PDE4C: variants seen among roughly 807,000 people sequenced by gnomAD.
PDE4C encodes phosphodiesterase 4C.
PDE4C carries 50 observed loss-of-function variants against 63.9 expected under a neutral mutation model. The observed-to-expected ratio is 0.78, with a 90% CI of 0.62 to 0.99. The LOEUF is 0.99. PDE4C is among the 50% of genes least tolerant of loss of function. The pLI is 0.00. For missense variants in PDE4C, 777 were observed against 899.1 expected, an observed-to-expected ratio of 0.86 and a Z score of 1.74; for synonymous variants, 377 against 385.1, an observed-to-expected ratio of 0.98 and a Z score of 0.25.
the PDE4C span, among the ~76,000 whole-genome samples, chr19:18,254,760 T>G: frequency 2.6e-5 from 4 of 152,140 alleles, no homozygotes; most frequent in Non-Finnish European, 5.9e-5. Context: ...CCCTCCACCC[T>G]AGGCACTGTC....
intron 1 of PDE4C, among the ~76,000 whole-genome samples, chr19:18,224,888 C>G (rs1968659966): frequency 6.6e-6 from 1 of 152,206 alleles, no homozygotes; most frequent in South Asian, 2.1e-4. Context: ...GGCGGATAAC[C>G]CAGATCTGCC....
At chr19:18,217,742 C>CA (rs1428032464) in intron 11 of PDE4C, among the ~76,000 whole-genome samples, 1 of 151,892 alleles carries the variant, frequency 6.6e-6, no homozygotes, top group Non-Finnish European at 1.5e-5. Flanking sequence ...ACGAAAAATA[C>CA]AAAAATTAGC....
chr19:18,221,052 G>GCCAGACCCCCCCCCCCCCCC, intron 4 of PDE4C, 53 bp downstream of exon 4: 1 of 1,245,312 alleles, frequency 8.0e-7, no homozygotes, highest in African/African-American at 1.5e-5. Flanking sequence ...CCCGCTTTCC[G>GCCAGACCCCCCCCCCCCCCC]CCCACCTTGT....
At chr19:18,222,438 G>A in intron 1 of PDE4C, 115 bp from the exon 2 acceptor site, 1 of 920,476 alleles carries the variant, frequency 1.1e-6, no homozygotes, top group South Asian at 1.7e-5. Context: ...GGCAAGTGTG[G>A]TTTCCAGCTT....
chr19:18,238,982 C>G (rs1968997423), intron 1 of PDE4C, among the ~76,000 whole-genome samples: 1 of 150,496 alleles, frequency 6.6e-6, no homozygotes, highest in Admixed American at 6.6e-5. Flanking sequence ...CAGAGCAAGA[C>G]CCTGTCTCAA....
chr19:18,220,798 A>G lies in PDE4C; in HGVS notation c.499+76T>C, dbSNP rs541442941. On this transcript the variant is annotated intron_variant, in intron 5 of 14. Transcript: ENST00000262805. The surrounding 1 kb of genome is among the most constrained non-coding windows in gnomAD (Gnocchi z 5.1). ...CAATTAGCCCCAGTATAAGGGGCTC[A>G]TGGACTGGGGAGGTCACTATGGAAA... is the stretch of plus-strand genomic sequence containing the variant. The G allele has an allele frequency of 1.1e-5, 16 of 1,415,126 alleles. No homozygotes were observed. In the East Asian group the frequency reaches 3.7e-4, roughly 33 times the overall value. 87.7% of individuals were successfully genotyped at this position (1,415,126 alleles called of 1,614,324 possible).
At chr19:18,210,899 A>G in exon 15 of PDE4C, 1 of 1,552,660 alleles carries the variant, frequency 6.4e-7, no homozygotes. Flanking sequence ...TTTACCATCC[A>G]TTGCCCCTGC....
chr19:18,241,609 G>T (rs965944790), intron 1 of PDE4C, among the ~76,000 whole-genome samples: 1 of 151,954 alleles, frequency 6.6e-6, no homozygotes, highest in African/African-American at 2.4e-5. Flanking sequence ...AGCGTGCAGT[G>T]GTGCAGTCTT....
At chr19:18,225,137 G>C (rs1009886088) in intron 1 of PDE4C, among the ~76,000 whole-genome samples, 1 of 152,166 alleles carries the variant, frequency 6.6e-6, no homozygotes, top group East Asian at 1.9e-4. Flanking sequence ...GTCAGGCTGT[G>C]GTTCCATGAC....
chr19:18,220,570 G>T lies in PDE4C; in HGVS notation c.500-55C>A, dbSNP rs761243870. On this transcript the variant is annotated intron_variant, in intron 5 of 14. Transcript: ENST00000262805. The surrounding 1 kb of genome is among the most constrained non-coding windows in gnomAD (Gnocchi z 5.1). Reference sequence around the variant, plus strand: ...CAACCCCCCCGCTCAGGGACCCCACGCCTCTCGCGACTTCGTCTCTTCATC... The same window carrying T: ...CAACCCCCCCGCTCAGGGACCCCACTCCTCTCGCGACTTCGTCTCTTCATC... The T allele has an allele frequency of 8.9e-6, 13 of 1,457,628 alleles. No individual in the cohort carries two copies. The East Asian group carries it at 3.1e-4, about 34-fold the overall frequency. The allele number at this position is 1,457,628 out of a possible 1,614,324, so 90.3% of individuals were successfully genotyped here. A position where few individuals can be genotyped will look rare whatever the true frequency, so the allele number is the denominator to read the frequency against.
At chr19:18,232,858 C>G in intron 1 of PDE4C, 1 of 1,329,716 alleles carries the variant, frequency 7.5e-7, no homozygotes, top group Non-Finnish European at 9.8e-7. Context: ...GAGACCCCCG[C>G]CCCCTGGAGA....
Position 18,219,302 on chromosome 19 carries a change from C to A in PDE4C, c.802G>T (p.Ala268Ser), listed in dbSNP as rs775410699. The A allele has an allele frequency of 1.2e-5, 20 of 1,614,040 alleles. No homozygotes were observed. The East Asian group carries it at 4.0e-4, about 32-fold the overall frequency. ...GGGACAGTGGCTGAGGAGAGGCTGG[C>A]ACTGTGGCAGAGCCCATGTAGGCCA... is the stretch of plus-strand genomic sequence containing the variant. The change falls in exon 8 of 15, where the codon GCC becomes TCC. Residue 268 changes from alanine to serine, a missense_variant. By Grantham distance (99) the Ala-to-Ser change is moderately conservative. This residue lies in a region of PDE4C where 500 missense variants were observed against 597.8 expected (regional missense o/e 0.84). Coordinates refer to ENST00000262805, the Ensembl canonical transcript of PDE4C.
intron 11 of PDE4C, among the ~76,000 whole-genome samples, chr19:18,217,523 G>A (rs1968251615): frequency 6.6e-6 from 1 of 152,042 alleles, no homozygotes; most frequent in Non-Finnish European, 1.5e-5. Flanking sequence ...AGCACTCCAG[G>A]GCTTGTACAC....
intron 1 of PDE4C, chr19:18,225,828 C>G (rs1242289456): frequency 6.1e-6 from 1 of 164,742 alleles, no homozygotes; most frequent in Non-Finnish European, 1.3e-5. Context: ...CCCAGGGCAT[C>G]TCTTTGCTGG....
chr19:18,210,929 C>T, exon 15 of PDE4C: 2 of 1,602,174 alleles, frequency 1.2e-6, no homozygotes, highest in Non-Finnish European at 1.7e-6. Context: ...AGGGCTGGCC[C>T]TAAGTCCTCT....
At chr19:18,252,663 G>T (rs1412329790), upstream of PDE4C, among the ~76,000 whole-genome samples, 1 of 151,534 alleles carries the variant, frequency 6.6e-6, no homozygotes, top group Non-Finnish European at 1.5e-5. Context: ...TGTCACCCAG[G>T]CTGGAGAGCA....
intron 1 of PDE4C, 112 bp from the exon 2 acceptor site, chr19:18,222,435 G>A: frequency 2.1e-6 from 2 of 942,190 alleles, no homozygotes; most frequent in Non-Finnish European, 3.2e-6. Context: ...TCAGGCAAGT[G>A]TGGTTTCCAG....
At chr19:18,219,431 C>A in intron 7 of PDE4C, 34 bp from the exon 8 acceptor site, 1 of 1,547,558 alleles carries the variant, frequency 6.5e-7, no homozygotes. Context: ...TCAGAGAAGC[C>A]GATTTCACCT....
upstream of PDE4C, among the ~76,000 whole-genome samples, chr19:18,228,292 T>G (rs1172363359): frequency 6.6e-6 from 1 of 151,960 alleles, no homozygotes; most frequent in Admixed American, 6.5e-5. Flanking sequence ...AGGCTAAGAC[T>G]AAACAAAATT....
Sources: gnomAD v4.1 joint callset for allele counts (sites outside exome capture counted in the v4.1 genomes callset) on GRCh38, gnomAD v4.1.1 for gene constraint, gnomAD v4.1.1 regional missense constraint, Gnocchi (gnomAD v3.1) non-coding constraint, MANE v1.5 for transcripts, NCBI Gene and HGNC (gene_info 2026-07-23, HGNC 2026-07-21) for gene names.